Variants in MYO1D observed in about 807,000 individuals in gnomAD.
MYO1D encodes unconventional myosin-Id.
In MYO1D, 83 loss-of-function variants were observed where a neutral mutation model predicts 122.0. That is an observed-to-expected ratio of 0.68 (90% CI 0.57 to 0.82). The LOEUF (loss-of-function observed/expected upper bound fraction) is 0.82. Among genes scored for constraint, MYO1D ranks in the 40% least tolerant of loss-of-function variants. MYO1D has a pLI of 0.00. For missense variants in MYO1D, 1,157 were observed against 1,269.5 expected (o/e 0.91, Z 1.35); for synonymous variants, 464 against 446.9 (o/e 1.04, Z -0.48).
intron 21 of MYO1D, among the ~76,000 whole-genome samples, chr17:32,570,295 T>A (rs772462472): frequency 6.6e-6 from 1 of 152,170 alleles, no homozygotes. Flanking sequence ...ACTTCCTTGG[T>A]TGTAGAATGG....
intron 1 of MYO1D, among the ~76,000 whole-genome samples, chr17:32,813,388 T>C (rs1268148482): frequency 6.6e-6 from 1 of 152,004 alleles, no homozygotes; most frequent in East Asian, 1.9e-4. Context: ...ACAGTACAAA[T>C]GAAAGGCAGT....
At chr17:32,599,662 G>GT (rs1044578876) in intron 21 of MYO1D, among the ~76,000 whole-genome samples, 48 of 151,752 alleles carry the variant, frequency 3.2e-4, no homozygotes, top group African/African-American at 1.0e-3. Flanking sequence ...CTTTCATTTT[G>GT]TTTTTTTTGA....
intron 10 of MYO1D, among the ~76,000 whole-genome samples, chr17:32,758,326 A>T (rs535025663): frequency 4.0e-4 from 61 of 152,244 alleles, no homozygotes; most frequent in African/African-American, 1.3e-3. Context: ...AATGTAAGAA[A>T]CTTATTTGGA....
chr17:32,633,985 T>A (rs1269022915), intron 20 of MYO1D, among the ~76,000 whole-genome samples: 1 of 152,242 alleles, frequency 6.6e-6, no homozygotes, highest in African/African-American at 2.4e-5. Context: ...CATTGGAATG[T>A]AAATTCCAAG....
intron 1 of MYO1D, among the ~76,000 whole-genome samples, chr17:32,869,502 T>C (rs959968077): frequency 7.2e-5 from 11 of 152,156 alleles, no homozygotes; most frequent in Admixed American, 6.5e-4. Flanking sequence ...GGCTGGGCAA[T>C]AATACAATGA....
At chr17:32,511,588 G>A (rs996568297) in intron 21 of MYO1D, among the ~76,000 whole-genome samples, 4 of 148,158 alleles carry the variant, frequency 2.7e-5, no homozygotes, top group South Asian at 4.3e-4. Flanking sequence ...AGAGGTTTTC[G>A]CCTTTGCTGT....
At chr17:32,605,393 G>C in intron 20 of MYO1D, 152 bp from the exon 21 acceptor site, 1 of 591,166 alleles carries the variant, frequency 1.7e-6, no homozygotes, top group East Asian at 3.0e-5. Context: ...CCTGGAGTTT[G>C]AATCCAGCCT....
chr17:32,782,196 T>C (rs535919459), intron 1 of MYO1D, among the ~76,000 whole-genome samples: 1 of 152,376 alleles, frequency 6.6e-6, no homozygotes, highest in South Asian at 2.1e-4. Flanking sequence ...ATTTCAACAA[T>C]AAATTCAAAC....
At chr17:32,803,713 G>A (rs1054850905) in intron 1 of MYO1D, among the ~76,000 whole-genome samples, 2 of 152,200 alleles carry the variant, frequency 1.3e-5, no homozygotes, top group African/African-American at 4.8e-5. Flanking sequence ...TAACCCCAAG[G>A]ATCCTGCAGT....
chr17:32,816,876 T>C (rs1236831856), intron 1 of MYO1D, among the ~76,000 whole-genome samples: 3 of 152,172 alleles, frequency 2.0e-5, no homozygotes, highest in African/African-American at 4.8e-5. Flanking sequence ...CAGTCCCTTT[T>C]TGAATTTTTT....
intron 1 of MYO1D, among the ~76,000 whole-genome samples, chr17:32,850,399 T>C (rs992267819): frequency 6.6e-6 from 1 of 152,220 alleles, no homozygotes; most frequent in Non-Finnish European, 1.5e-5. Flanking sequence ...CCTGAACTAC[T>C]GCACTACTCT....
intron 12 of MYO1D, 77 bp downstream of exon 12, chr17:32,748,859 T>A: frequency 7.5e-7 from 1 of 1,328,392 alleles, no homozygotes; most frequent in South Asian, 1.2e-5. Context: ...ATAAAACCAA[T>A]TTACATTTTT....
intron 21 of MYO1D, among the ~76,000 whole-genome samples, chr17:32,579,988 C>G (rs879407223): frequency 4.1e-4 from 63 of 151,972 alleles, no homozygotes; most frequent in Non-Finnish European, 1.2e-4. Flanking sequence ...GTTTATTTCC[C>G]CTAGATAAAT....
At chr17:32,767,802 T>A in intron 6 of MYO1D, 50 bp from the exon 7 acceptor site, 1 of 1,345,344 alleles carries the variant, frequency 7.4e-7, no homozygotes, top group Non-Finnish European at 1.1e-6. Context: ...CTATGAGCAT[T>A]AAAATTCAAC....
intron 15 of MYO1D, among the ~76,000 whole-genome samples, chr17:32,717,884 T>C (rs1598035757): frequency 6.6e-6 from 1 of 152,244 alleles, no homozygotes; most frequent in East Asian, 1.9e-4. Context: ...AAGATTCGTC[T>C]TTTTTCAGTT....
chr17:32,580,796 C>A (rs2087331418), intron 21 of MYO1D, among the ~76,000 whole-genome samples: 2 of 152,070 alleles, frequency 1.3e-5, no homozygotes, highest in African/African-American at 4.8e-5. Flanking sequence ...AATGTATTAT[C>A]CTTTTTATAT....
intron 21 of MYO1D, among the ~76,000 whole-genome samples, chr17:32,588,693 T>C (rs1365340813): frequency 6.6e-6 from 1 of 152,176 alleles, no homozygotes; most frequent in Non-Finnish European, 1.5e-5. Context: ...GCTCAGCCTG[T>C]AATCTCCGAA....
At chr17:32,640,819 G>A (rs1157886248) in intron 19 of MYO1D, among the ~76,000 whole-genome samples, 2 of 151,466 alleles carry the variant, frequency 1.3e-5, no homozygotes, top group Non-Finnish European at 2.9e-5. Context: ...TGAAAGTAAG[G>A]GTCCATGGAC....
chr17:32,583,116 T>C (rs2087357091), intron 21 of MYO1D, among the ~76,000 whole-genome samples: 1 of 152,222 alleles, frequency 6.6e-6, no homozygotes, highest in Non-Finnish European at 1.5e-5. Flanking sequence ...AAAAGTCTTT[T>C]AATTCACCTT....
Sources: allele counts gnomAD v4.1 joint callset (sites outside exome capture counted in the v4.1 genomes callset), GRCh38; gene constraint gnomAD v4.1.1; transcripts MANE v1.5; gene names NCBI Gene and HGNC (gene_info 2026-07-23, HGNC 2026-07-21).